The following KIAA1217 variants were observed in gnomAD, a reference collection of about 807,000 sequenced individuals.
KIAA1217 encodes the protein KIAA1217, also known as sickle tail protein homolog.
KIAA1217 carries 88 observed loss-of-function variants against 163.9 expected under a neutral mutation model. That is an observed-to-expected ratio of 0.54 (90% CI 0.45 to 0.64). The LOEUF (loss-of-function observed/expected upper bound fraction) is 0.64. Ranked by LOEUF, KIAA1217 falls within the 30% of genes least tolerant of loss-of-function variation. The probability of loss-of-function intolerance (pLI) is 0.00; values close to 1 mark genes in which losing one functional copy is unlikely to be tolerated. For synonymous variants in KIAA1217, 903 were observed against 923.1 expected (o/e 0.98, Z 0.39); for missense variants, 2,372 against 2,475.0 (o/e 0.96, Z 0.88).
chr10:24,481,295 C>T (rs1308007800), intron 6 of KIAA1217: 1 of 152,156 alleles, frequency 6.6e-6, no homozygotes, highest in Non-Finnish European at 1.5e-5. Context: ...CAGGAAGCTT[C>T]GGAGTTACAA....
intron 2 of KIAA1217, among the ~76,000 whole-genome samples, chr10:24,331,551 G>A (rs552906228): frequency 6.6e-5 from 10 of 152,316 alleles, no homozygotes; most frequent in Admixed American, 5.2e-4. Context: ...GAGAAGGTAG[G>A]AGAAAACCCA....
chr10:23,820,668 G>A lies in KIAA1217; in HGVS notation c.-321+125434G>A, dbSNP rs141337725. Among the ~76,000 whole-genome samples the A allele has an allele frequency of 3.4e-3, 515 of 152,296 alleles. 1 individual carries two copies. The highest frequency in any genetic ancestry group is 5.6e-3 in the Non-Finnish European group (380 of 68,034). ...TTATTTGCAAAGACATCAGGCTGTG[G>A]ATGATCAGCAGCACAAGGCAGATGG... is the stretch of plus-strand genomic sequence containing the variant. On this transcript the variant is annotated intron_variant, in intron 1 of 18. Transcript: ENST00000376462.
intron 1 of KIAA1217, among the ~76,000 whole-genome samples, chr10:23,977,035 C>G (rs1439194868): frequency 6.6e-6 from 1 of 152,138 alleles, no homozygotes; most frequent in Non-Finnish European, 1.5e-5. Context: ...GTCTGTGAGC[C>G]TTTCTGCTGA....
At position 24,318,657 on chromosome 10, in the gene KIAA1217, C is replaced by G. The variant is rs184478200; in HGVS notation, c.355-62212C>G. Among the ~76,000 whole-genome samples the G allele has an allele frequency of 2.7e-5, 4 of 150,292 alleles. No homozygotes were observed. The East Asian group carries it at 8.1e-4, about 31-fold the overall frequency. ...TACAATTACCAGTGGGATGTGTGCA[C>G]CTGTTGGGCACCGCACAACTCCCCT... On this transcript the variant is annotated intron_variant, in intron 2 of 20. Transcript: ENST00000376454.
intron 6 of KIAA1217, chr10:24,481,499 G>C (rs372944006): frequency 1.3e-5 from 2 of 152,200 alleles, no homozygotes; most frequent in South Asian, 2.1e-4. Context: ...TTGAGCTCCA[G>C]AGAAAGATCT....
chr10:24,141,867 G>T (rs1300640546), intron 2 of KIAA1217, among the ~76,000 whole-genome samples: 3 of 149,654 alleles, frequency 2.0e-5, no homozygotes, highest in East Asian at 2.0e-4. Flanking sequence ...AATTTCTATT[G>T]TTTTTTTTTA....
At chr10:24,332,123 T>C (rs1406570138) in intron 2 of KIAA1217, among the ~76,000 whole-genome samples, 1 of 152,220 alleles carries the variant, frequency 6.6e-6, no homozygotes, top group Non-Finnish European at 1.5e-5. Context: ...TTGTCTGTTT[T>C]CTTTTCCATG....
chr10:24,302,585 A>G (rs1269367209), intron 2 of KIAA1217, among the ~76,000 whole-genome samples: 1 of 151,856 alleles, frequency 6.6e-6, no homozygotes, highest in African/African-American at 2.4e-5. Context: ...CTGGAAAAAC[A>G]GGGAACACAC....
chr10:23,933,760 T>A (rs974912161), intron 1 of KIAA1217, among the ~76,000 whole-genome samples: 4 of 151,988 alleles, frequency 2.6e-5, no homozygotes, highest in Non-Finnish European at 2.9e-5. Flanking sequence ...AAGAAGACAT[T>A]TACACAACCA....
At chr10:24,465,575 C>T (rs896313751) in intron 5 of KIAA1217, among the ~76,000 whole-genome samples, 9 of 152,198 alleles carry the variant, frequency 5.9e-5, no homozygotes, top group Admixed American at 1.3e-4. Flanking sequence ...ACCGTATTCC[C>T]ACTTGGATAG....
chr10:24,369,671 T>C (rs572734702), intron 2 of KIAA1217, among the ~76,000 whole-genome samples: 1 of 152,332 alleles, frequency 6.6e-6, no homozygotes, highest in South Asian at 2.1e-4. Context: ...GCACCATGTT[T>C]TGCTGGTTGT....
chr10:24,153,672 C>T (rs1422701111), intron 2 of KIAA1217, among the ~76,000 whole-genome samples: 1 of 152,158 alleles, frequency 6.6e-6, no homozygotes, highest in Non-Finnish European at 1.5e-5. Context: ...TCACTGCTTT[C>T]TCATTAAATG....
At chr10:23,727,304 T>C (rs748336485) in intron 1 of KIAA1217, among the ~76,000 whole-genome samples, 3 of 151,930 alleles carry the variant, frequency 2.0e-5, no homozygotes, top group Non-Finnish European at 2.9e-5. Context: ...CTCACATCTG[T>C]AATCCCAGCA....
chr10:23,800,428 T>C (rs917175840), intron 1 of KIAA1217, among the ~76,000 whole-genome samples: 1 of 152,016 alleles, frequency 6.6e-6, no homozygotes. Context: ...GAGCTGGACC[T>C]GAGATGGTGC....
At chr10:23,874,086 C>A (rs117408419) in intron 1 of KIAA1217, among the ~76,000 whole-genome samples, 3,366 of 152,058 alleles carry the variant, frequency 0.022, 42 homozygotes, top group Middle Eastern at 0.054. Flanking sequence ...TTCTGTAGTT[C>A]ACCCAAACCT....
At chr10:23,828,614 A>G (rs1838019515) in intron 1 of KIAA1217, among the ~76,000 whole-genome samples, 2 of 152,216 alleles carry the variant, frequency 1.3e-5, no homozygotes. Context: ...AACAATAGTT[A>G]TGTATGGGTT....
intron 2 of KIAA1217, among the ~76,000 whole-genome samples, chr10:24,106,978 C>G (rs568503421): frequency 1.3e-5 from 2 of 152,104 alleles, no homozygotes; most frequent in East Asian, 1.9e-4. Context: ...ATTATTTTGT[C>G]ATCCAGGTAA....
chr10:24,088,291 A>G lies in KIAA1217; in HGVS notation c.-171+80917A>G, dbSNP rs539299855. On this transcript the variant is annotated intron_variant, in intron 2 of 18. Transcript: ENST00000376462. ...TATATATATACACACATATATGTGT[A>G]TATATATATATATATTTATTATACT... is the stretch of plus-strand genomic sequence containing the variant. 5.3e-4 allele frequency among the ~76,000 whole-genome samples: 53 copies of G among 99,150 alleles called. 4 individuals carry two copies. Among genetic ancestry groups the G allele is most frequent in the East Asian group, 5.0e-3 (25 of 4,978 alleles). The allele number at this position is 99,150 out of a possible 152,430, so 65.0% of individuals were successfully genotyped here.
In KIAA1217 at chr10:23,695,567, G is replaced by A. The variant is rs1453759834; in HGVS notation, c.-321+333G>A. The stretch of plus-strand genomic sequence containing the variant: ...ACACCTATCCTGGTGACCTTGGCGT[G>A]CCCCCCTGGAGTGGCGAGCCAGGGG... On this transcript the variant is annotated intron_variant, in intron 1 of 18. Coordinates refer to the KIAA1217 transcript ENST00000376462. The surrounding 1 kb of genome is among the most constrained non-coding windows in gnomAD (Gnocchi z 4.9). Among the ~76,000 whole-genome samples the A allele has an allele frequency of 4.6e-5, 7 of 152,112 alleles. No homozygotes were observed. Among genetic ancestry groups the A allele is most frequent in the Non-Finnish European group, 8.8e-5 (6 of 68,018 alleles).
Sources: gnomAD v4.1 joint callset for allele counts (sites outside exome capture counted in the v4.1 genomes callset) on GRCh38, gnomAD v4.1.1 for gene constraint, Gnocchi (gnomAD v3.1) non-coding constraint, MANE v1.5 for transcripts, NCBI Gene and HGNC (gene_info 2026-07-23, HGNC 2026-07-21) for gene names.